The following GYPE variants were observed in gnomAD, a reference collection of about 807,000 sequenced individuals.
GYPE encodes glycophorin-E.
GYPE carries 8 observed loss-of-function variants against 11.6 expected under a neutral mutation model. The observed-to-expected ratio is 0.69, with a 90% CI of 0.41 to 1.25. The LOEUF is 1.25. Among genes scored for constraint, GYPE ranks in the 50% most tolerant of loss-of-function variants. GYPE has a pLI of 0.01. For synonymous variants in GYPE, 28 were observed against 29.6 expected, an observed-to-expected ratio of 0.94 and a Z score of 0.18; for missense variants, 90 against 92.8, an observed-to-expected ratio of 0.97 and a Z score of 0.12.
At chr4:143,884,300 T>C (rs1315744997) in intron 1 of GYPE, among the ~76,000 whole-genome samples, 1 of 44,190 alleles carries the variant, frequency 2.3e-5, no homozygotes, top group African/African-American at 5.5e-5. Context: ...TCTAATAAGA[T>C]TTAGACTAAA....
intron 2 of GYPE, among the ~76,000 whole-genome samples, chr4:143,877,659 T>C (rs1035425610): frequency 1.1e-4 from 17 of 152,178 alleles, no homozygotes; most frequent in Admixed American, 1.1e-3. Context: ...AAAGTGAAAG[T>C]AGCATTTCCT....
rs540806433 is a variant in GYPE, at chr4:143,884,091, G to A, written c.38-3582C>T. ...GCTTGCCTCACATCTTCATTGCTTCGCCCTTCCCTTCCCTCTTGGGGCTCC... is the reference window on the plus strand; with the variant it reads ...GCTTGCCTCACATCTTCATTGCTTCACCCTTCCCTTCCCTCTTGGGGCTCC... On this transcript the variant is annotated intron_variant, in intron 1 of 3. Coordinates refer to ENST00000358615, the MANE Select transcript of GYPE (RefSeq NM_198682.3). 8.2e-3 allele frequency among the ~76,000 whole-genome samples: 1,233 copies of A among 151,260 alleles called. 16 individuals carry two copies. Among genetic ancestry groups the A allele is most frequent in the African/African-American group, 0.027 (1,119 of 41,176 alleles).
chr4:143,899,484 T>G (rs1487240391), intron 1 of GYPE, among the ~76,000 whole-genome samples: 1 of 152,136 alleles, frequency 6.6e-6, no homozygotes, highest in South Asian at 2.1e-4. Flanking sequence ...ATCCTAAAAT[T>G]TCTATGAAAT....
chr4:143,901,449 C>T (rs1744864883), intron 1 of GYPE, among the ~76,000 whole-genome samples: 2 of 144,500 alleles, frequency 1.4e-5, no homozygotes, highest in Non-Finnish European at 3.0e-5. Context: ...CTTACAATCC[C>T]AACACTCAGA....
Position 143,878,158 on chromosome 4 carries a change from T to G in GYPE, c.137-1303A>C, listed in dbSNP as rs187759180. Among the ~76,000 whole-genome samples the G allele has an allele frequency of 5.0e-3, 700 of 138,840 alleles. 2 individuals are homozygous for G. Among genetic ancestry groups the G allele is most frequent in the African/African-American group, 0.011 (447 of 39,382 alleles). 91.1% of individuals were successfully genotyped at this position (138,840 alleles called of 152,430 possible). A position where few individuals can be genotyped will look rare whatever the true frequency, so the allele number is the denominator to read the frequency against. On this transcript the variant is annotated intron_variant, in intron 2 of 3. Transcript: ENST00000358615. ...TACTTATGTATTTGTTTTTGAGACA[T>G]GGTCTTACCAAGGCTAGAGTACAGT...
At chr4:143,872,414 A>T (rs188365831) in intron 3 of GYPE, among the ~76,000 whole-genome samples, 162 bp from the exon 4 acceptor site, 56 of 152,294 alleles carry the variant, frequency 3.7e-4, no homozygotes, top group African/African-American at 1.3e-3. Flanking sequence ...GTATAAGCAA[A>T]TTTAAAAAAT....
At chr4:143,880,545 C>T (rs181185944) in intron 1 of GYPE, 36 bp from the exon 2 acceptor site, 224 of 1,613,274 alleles carry the variant, frequency 1.4e-4, no homozygotes, top group East Asian at 1.3e-3. Context: ...GGATTAAGAA[C>T]GAGGTGACTG....
chr4:143,896,582 T>C (rs1280473927), intron 1 of GYPE, among the ~76,000 whole-genome samples: 1 of 152,102 alleles, frequency 6.6e-6, no homozygotes, highest in Non-Finnish European at 1.5e-5. Flanking sequence ...GTTCAACCAT[T>C]GTGGAAGTCA....
At chr4:143,876,077 A>T (rs1223330157) in intron 3 of GYPE, among the ~76,000 whole-genome samples, 1 of 152,024 alleles carries the variant, frequency 6.6e-6, no homozygotes, top group East Asian at 1.9e-4. Context: ...ATATGTGAGA[A>T]TTAAGAAAGG....
chr4:143,902,266 T>C (rs1332553819), intron 1 of GYPE, among the ~76,000 whole-genome samples: 4 of 150,706 alleles, frequency 2.7e-5, no homozygotes, highest in African/African-American at 9.8e-5. Context: ...ATGTATTCCC[T>C]GGCATACAGT....
intron 2 of GYPE, among the ~76,000 whole-genome samples, chr4:143,878,158 T>A (rs187759180): frequency 2.1e-5 from 3 of 141,812 alleles, no homozygotes; most frequent in Non-Finnish European, 3.2e-5. Context: ...TTTTGAGACA[T>A]GGTCTTACCA....
chr4:143,873,722 G>A (rs1202788864), intron 3 of GYPE, among the ~76,000 whole-genome samples: 3 of 152,130 alleles, frequency 2.0e-5, no homozygotes, highest in Non-Finnish European at 4.4e-5. Flanking sequence ...TTGAGAAATG[G>A]TATATTCTTC....
chr4:143,896,849 C>T (rs1282623340), intron 1 of GYPE, among the ~76,000 whole-genome samples: 4 of 152,104 alleles, frequency 2.6e-5, no homozygotes, highest in African/African-American at 9.7e-5. Flanking sequence ...GAGTTCATGT[C>T]CTTTGTAGGG....
chr4:143,872,837 A>T (rs1201412091), intron 3 of GYPE, among the ~76,000 whole-genome samples: 2 of 151,246 alleles, frequency 1.3e-5, no homozygotes, highest in Non-Finnish European at 2.9e-5. Flanking sequence ...TTTTGGGGAA[A>T]AGTTCAGTGG....
chr4:143,878,881 C>A (rs183657699), intron 2 of GYPE, among the ~76,000 whole-genome samples: 48 of 152,152 alleles, frequency 3.2e-4, no homozygotes, highest in African/African-American at 1.1e-3. Flanking sequence ...CTTTTAATGA[C>A]CCAACAAGTA....
At chr4:143,877,717 C>T (rs62338482) in intron 2 of GYPE, among the ~76,000 whole-genome samples, 10 of 150,096 alleles carry the variant, frequency 6.7e-5, no homozygotes, top group South Asian at 4.3e-4. Flanking sequence ...TGAATGTATG[C>T]GATAGTGATG....
intron 1 of GYPE, among the ~76,000 whole-genome samples, chr4:143,889,859 A>T (rs1391235773): frequency 6.6e-6 from 1 of 152,210 alleles, no homozygotes; most frequent in Non-Finnish European, 1.5e-5. Context: ...AGGAAAAAAA[A>T]ACATCAGAAA....
Position 143,900,063 on chromosome 4 carries a change from T to A in GYPE, c.37+5408A>T, listed in dbSNP as rs866327563. ...ATAGTATATCGGATAAGACTCTTTA[T>A]CCAGAACATAGAAAGAACTCTTACA... is the stretch of plus-strand genomic sequence containing the variant. On this transcript the variant is annotated intron_variant, in intron 1 of 3. Transcript: ENST00000358615. Among the ~76,000 whole-genome samples the A allele has an allele frequency of 1.2e-4, 18 of 149,668 alleles. No individual in the cohort carries two copies. The Admixed American group carries it at 1.2e-3, about 10-fold the overall frequency.
At chr4:143,901,859 T>C (rs924143302) in intron 1 of GYPE, among the ~76,000 whole-genome samples, 10 of 152,090 alleles carry the variant, frequency 6.6e-5, no homozygotes, top group Admixed American at 5.2e-4. Context: ...TGAGATACCA[T>C]CCCTACTTTC....
Sources: gnomAD v4.1 joint callset for allele counts (sites outside exome capture counted in the v4.1 genomes callset) on GRCh38, gnomAD v4.1.1 for gene constraint, MANE v1.5 for transcripts, NCBI Gene and HGNC (gene_info 2026-07-23, HGNC 2026-07-21) for gene names.